The following NEK11 variants were observed in gnomAD, a reference collection of about 807,000 sequenced individuals.
The protein encoded by NEK11 is serine/threonine-protein kinase Nek11.
A neutral mutation model predicts 80.7 loss-of-function variants in NEK11; 72 were observed. The observed-to-expected ratio is 0.89, with a 90% confidence interval of 0.74 to 1.08. The LOEUF is 1.08. Among genes scored for constraint, NEK11 ranks in the 50% least tolerant of loss-of-function variants. The pLI, the probability that NEK11 is intolerant of heterozygous loss-of-function variation, is 0.00. For missense variants in NEK11, 764 were observed against 763.6 expected, an observed-to-expected ratio of 1.00 and a Z score of -0.01; for synonymous variants, 251 against 260.7, an observed-to-expected ratio of 0.96 and a Z score of 0.36.
At chr3:131,042,307 G>C (rs1470764418) in intron 3 of NEK11, among the ~76,000 whole-genome samples, 2 of 152,246 alleles carry the variant, frequency 1.3e-5, no homozygotes, top group East Asian at 3.9e-4. Flanking sequence ...GGAGCCAAGA[G>C]GTCTTGCTCA....
At chr3:131,234,439 C>A (rs759166718) in intron 15 of NEK11, among the ~76,000 whole-genome samples, 6 of 152,200 alleles carry the variant, frequency 3.9e-5, no homozygotes, top group South Asian at 2.1e-4. Context: ...AGACTCCCAG[C>A]TGTTTCAGAT....
intron 5 of NEK11, among the ~76,000 whole-genome samples, chr3:131,115,992 TATA>T (rs2081160417): frequency 4.1e-5 from 5 of 123,256 alleles, no homozygotes; most frequent in African/African-American, 9.1e-5. Context: ...CTTTCTTTAT[TATA>T]CTTTAAGTTC....
In NEK11 at chr3:131,092,464, G is replaced by A. The variant is rs149303549; in HGVS notation, c.336+11876G>A. 2.4e-3 allele frequency among the ~76,000 whole-genome samples: 362 copies of A among 152,226 alleles called. 1 individual carries two copies. Among genetic ancestry groups the A allele is most frequent in the African/African-American group, 8.2e-3 (340 of 41,538 alleles). The stretch of plus-strand genomic sequence containing the variant: ...TGAATCAAAAAAATGAGCCAGAAGA[G>A]GAATCTACTTGTTTTAACCAAGTAA... On this transcript the variant is annotated intron_variant, in intron 4 of 17. Transcript: ENST00000383366.
intron 14 of NEK11, among the ~76,000 whole-genome samples, chr3:131,172,975 G>A (rs1364629356): frequency 6.6e-6 from 1 of 152,138 alleles, no homozygotes; most frequent in Non-Finnish European, 1.5e-5. Context: ...CACCAGCACC[G>A]TGACAGTTTA....
chr3:131,163,468 G>A (rs528458464), intron 11 of NEK11, among the ~76,000 whole-genome samples: 3 of 152,216 alleles, frequency 2.0e-5, no homozygotes, highest in East Asian at 1.9e-4. Context: ...AGGACATTAT[G>A]TTAAGAGAAA....
intron 16 of NEK11, among the ~76,000 whole-genome samples, chr3:131,253,161 G>T (rs1024328925): frequency 6.6e-6 from 1 of 152,082 alleles, no homozygotes; most frequent in East Asian, 1.9e-4. Context: ...TTTAGAATAT[G>T]GTCCTTGTCA....
chr3:131,212,909 A>G (rs1301614645), intron 14 of NEK11, among the ~76,000 whole-genome samples: 1 of 152,214 alleles, frequency 6.6e-6, no homozygotes, highest in African/African-American at 2.4e-5. Flanking sequence ...TTTTTATATC[A>G]GTAGACTTTG....
chr3:131,208,623 G>A (rs1278100216), intron 14 of NEK11, among the ~76,000 whole-genome samples: 1 of 152,070 alleles, frequency 6.6e-6, no homozygotes, highest in Admixed American at 6.6e-5. Flanking sequence ...ATTTGTTTGT[G>A]TCCTCTTTTA....
At chr3:131,069,833 G>C (rs556103110) in intron 3 of NEK11, among the ~76,000 whole-genome samples, 1 of 149,988 alleles carries the variant, frequency 6.7e-6, no homozygotes, top group East Asian at 2.0e-4. Flanking sequence ...GTGGTGGGGT[G>C]GGGGGATGGG....
At position 131,162,431 on chromosome 3, in the gene NEK11, C is replaced by T. The variant is rs779265779; in HGVS notation, c.986C>T (p.Thr329Ile). The change falls in exon 11 of 18, where the codon ACT (threonine) becomes ATT (isoleucine). Residue 329 changes from threonine to isoleucine, a missense_variant. Transcript: ENST00000383366. Reference sequence around the variant, plus strand: ...AGGCAAAAAAGGATCCACCTGCAGACTCTGAGGGCACTGTCAGAAGTACAG... The same window carrying T: ...AGGCAAAAAAGGATCCACCTGCAGATTCTGAGGGCACTGTCAGAAGTACAG... ...NAMQKRIHLQTLRALSEVQKM... is the reference protein window; with the variant it reads ...NAMQKRIHLQILRALSEVQKM... 9.9e-6 allele frequency: 16 copies of T among 1,614,024 alleles called. No homozygotes were observed. Among genetic ancestry groups the T allele is most frequent in the Non-Finnish European group, 1.4e-5 (16 of 1,179,960 alleles).
intron 3 of NEK11, among the ~76,000 whole-genome samples, chr3:131,070,503 T>A (rs550003068): frequency 6.6e-6 from 1 of 152,300 alleles, no homozygotes; most frequent in South Asian, 2.1e-4. Context: ...GGTGCTATAA[T>A]TGGCAATATT....
intron 17 of NEK11, among the ~76,000 whole-genome samples, chr3:131,345,163 T>A (rs1207999244): frequency 6.6e-6 from 1 of 152,210 alleles, no homozygotes; most frequent in African/African-American, 2.4e-5. Context: ...TATTTATTTT[T>A]ATTCTGATCT....
chr3:131,138,281 T>C (rs2086051405), intron 7 of NEK11, among the ~76,000 whole-genome samples: 1 of 152,186 alleles, frequency 6.6e-6, no homozygotes, highest in Non-Finnish European at 1.5e-5. Flanking sequence ...GAATGTTCCC[T>C]GTAGGCCTGT....
At chr3:131,146,086 C>T (rs1024665969) in intron 7 of NEK11, among the ~76,000 whole-genome samples, 3 of 151,912 alleles carry the variant, frequency 2.0e-5, no homozygotes, top group African/African-American at 4.8e-5. Flanking sequence ...TTGTTACAGC[C>T]CTTCCGATAT....
intron 5 of NEK11, among the ~76,000 whole-genome samples, chr3:131,131,568 T>C (rs1317391852): frequency 1.3e-5 from 2 of 152,168 alleles, no homozygotes; most frequent in African/African-American, 4.8e-5. Context: ...TGACGCCCTC[T>C]CTTTCATTTT....
intron 3 of NEK11, among the ~76,000 whole-genome samples, chr3:131,038,666 C>T (rs9846204): frequency 0.43 from 65,146 of 152,014 alleles, 16,509 homozygotes; most frequent in Middle Eastern, 0.66. Context: ...CTCAAAAATT[C>T]TTCTTAAAAA....
intron 17 of NEK11, among the ~76,000 whole-genome samples, chr3:131,303,475 C>T (rs933157197): frequency 6.6e-6 from 1 of 152,078 alleles, no homozygotes; most frequent in Non-Finnish European, 1.5e-5. Context: ...ACTGTCTTTC[C>T]TTTTCATATT....
chr3:131,064,926 A>G (rs994087907), intron 3 of NEK11, among the ~76,000 whole-genome samples: 1 of 152,060 alleles, frequency 6.6e-6, no homozygotes, highest in Non-Finnish European at 1.5e-5. Context: ...GTTGGAGCCA[A>G]ACTTACAGAA....
intron 17 of NEK11, among the ~76,000 whole-genome samples, chr3:131,282,410 T>C (rs1433763743): frequency 1.3e-5 from 2 of 152,024 alleles, no homozygotes; most frequent in Non-Finnish European, 2.9e-5. Context: ...ATCTTCTTCA[T>C]AGAACTGTCT....
Sources: allele counts gnomAD v4.1 joint callset (sites outside exome capture counted in the v4.1 genomes callset), GRCh38; gene constraint gnomAD v4.1.1; transcripts MANE v1.5; gene names NCBI Gene and HGNC (gene_info 2026-07-23, HGNC 2026-07-21).